Variants in EPHA6 observed in about 807,000 individuals in gnomAD.
EPHA6 encodes EPH receptor A6, also known as ephrin type-A receptor 6.
Under a neutral mutation model 112.0 loss-of-function variants are expected in EPHA6, and 50 were observed. The observed-to-expected ratio is 0.45, with a 90% confidence interval of 0.36 to 0.56. EPHA6 has a LOEUF of 0.56. Among genes scored for constraint, EPHA6 ranks in the 20% least tolerant of loss-of-function variants. The pLI is 0.00. For synonymous variants in EPHA6, 529 were observed against 490.7 expected, an observed-to-expected ratio of 1.08 and a Z score of -1.03; for missense variants, 1,280 against 1,417.4, an observed-to-expected ratio of 0.90 and a Z score of 1.56.
chr3:96,933,688 T>G (rs1020627946), intron 2 of EPHA6, among the ~76,000 whole-genome samples: 2 of 152,146 alleles, frequency 1.3e-5, no homozygotes, highest in Non-Finnish European at 2.9e-5. Context: ...ATTTGAGAGT[T>G]TCTTAGAAGA....
intron 5 of EPHA6, among the ~76,000 whole-genome samples, chr3:97,260,229 T>C (rs1225975383): frequency 6.6e-6 from 1 of 152,186 alleles, no homozygotes; most frequent in Non-Finnish European, 1.5e-5. Flanking sequence ...AAAGGAAGAA[T>C]AGCATTTGGG....
chr3:97,519,195 A>G (rs959527255), intron 10 of EPHA6, among the ~76,000 whole-genome samples: 3 of 152,046 alleles, frequency 2.0e-5, no homozygotes, highest in Admixed American at 2.0e-4. Context: ...TAGGGGTCCA[A>G]TTTCTTTCTT....
chr3:97,252,485 C>A (rs1331980481), intron 5 of EPHA6, among the ~76,000 whole-genome samples: 2 of 152,152 alleles, frequency 1.3e-5, no homozygotes, highest in African/African-American at 4.8e-5. Context: ...CATATCCAAC[C>A]TAGATCCTTT....
chr3:97,005,809 AAG>A (rs1488565474), intron 3 of EPHA6, among the ~76,000 whole-genome samples: 1 of 152,112 alleles, frequency 6.6e-6, no homozygotes, highest in East Asian at 1.9e-4. Flanking sequence ...CTAGTTTATT[AAG>A]AGTTTTTAAC....
chr3:97,189,905 T>G (rs1005069359), intron 3 of EPHA6, among the ~76,000 whole-genome samples: 7 of 152,140 alleles, frequency 4.6e-5, no homozygotes, highest in Non-Finnish European at 8.8e-5. Context: ...TGCTATTCCA[T>G]GAGCTCAGAA....
At chr3:97,667,432 C>G (rs573255580) in intron 14 of EPHA6, among the ~76,000 whole-genome samples, 1 of 152,168 alleles carries the variant, frequency 6.6e-6, no homozygotes, top group African/African-American at 2.4e-5. Flanking sequence ...TAATTTGATT[C>G]TTTAATATTT....
intron 2 of EPHA6, among the ~76,000 whole-genome samples, chr3:96,888,729 C>G (rs932143928): frequency 1.3e-5 from 2 of 152,266 alleles, no homozygotes; most frequent in Middle Eastern, 3.4e-3. Flanking sequence ...ATGGGAGGAG[C>G]TGCTGTAAAG....
chr3:97,575,782 C>T (rs766918599), intron 11 of EPHA6, among the ~76,000 whole-genome samples: 31 of 151,750 alleles, frequency 2.0e-4, no homozygotes, highest in Non-Finnish European at 3.4e-4. Flanking sequence ...AATATAAGCA[C>T]GGAAATTAAA....
chr3:96,845,187 A>G (rs1316349855), intron 1 of EPHA6, among the ~76,000 whole-genome samples: 1 of 152,020 alleles, frequency 6.6e-6, no homozygotes. Flanking sequence ...CCAGATTTTA[A>G]TGGATTTCTT....
chr3:97,356,494 G>T (rs769524800), intron 5 of EPHA6, among the ~76,000 whole-genome samples: 1 of 152,084 alleles, frequency 6.6e-6, no homozygotes, highest in African/African-American at 2.4e-5. Flanking sequence ...TTGGTATGTT[G>T]TATTTTGTTT....
At chr3:97,547,560 C>T (rs993793720) in intron 11 of EPHA6, among the ~76,000 whole-genome samples, 11 of 152,210 alleles carry the variant, frequency 7.2e-5, no homozygotes, top group South Asian at 4.1e-4. Context: ...TCTCAAGCTG[C>T]GTGCTGGGAG....
chr3:97,460,656 A>G (rs557301366), intron 7 of EPHA6, among the ~76,000 whole-genome samples: 11 of 152,204 alleles, frequency 7.2e-5, no homozygotes, highest in Non-Finnish European at 1.6e-4. Flanking sequence ...AAGAAGCTAC[A>G]TGCCCCTCTT....
At chr3:97,062,799 G>A (rs1165776587) in intron 3 of EPHA6, among the ~76,000 whole-genome samples, 2 of 152,154 alleles carry the variant, frequency 1.3e-5, no homozygotes, top group Admixed American at 6.5e-5. Flanking sequence ...CAGCCACATG[G>A]AACTGTGAGT....
chr3:96,880,405 A>C (rs2107506818), intron 2 of EPHA6, among the ~76,000 whole-genome samples: 1 of 152,310 alleles, frequency 6.6e-6, no homozygotes, highest in Non-Finnish European at 1.5e-5. Context: ...AAAGACATAT[A>C]GAAATTGAAA....
chr3:97,622,403 C>G (rs2093821242), intron 13 of EPHA6, among the ~76,000 whole-genome samples: 1 of 151,762 alleles, frequency 6.6e-6, no homozygotes, highest in Non-Finnish European at 1.5e-5. Flanking sequence ...AAAGTTCAGT[C>G]ATGTTGAAGT....
At chr3:97,319,752 C>T (rs2082019302) in intron 5 of EPHA6, among the ~76,000 whole-genome samples, 1 of 151,312 alleles carries the variant, frequency 6.6e-6, no homozygotes, top group Admixed American at 6.6e-5. Flanking sequence ...TATAAAGCCT[C>T]CATTTTTTCT....
intron 6 of EPHA6, among the ~76,000 whole-genome samples, chr3:97,412,804 A>C (rs1418500227): frequency 1.3e-5 from 2 of 152,148 alleles, no homozygotes; most frequent in East Asian, 3.9e-4. Flanking sequence ...TTCTTCTAAA[A>C]AATGTCCACT....
intron 14 of EPHA6, among the ~76,000 whole-genome samples, chr3:97,656,020 GT>G (rs1184486680): frequency 2.6e-5 from 4 of 151,662 alleles, no homozygotes; most frequent in African/African-American, 7.3e-5. Flanking sequence ...TTATTCTACA[GT>G]GAGTATTGTA....
At chr3:96,973,423 A>C (rs897300246) in intron 2 of EPHA6, among the ~76,000 whole-genome samples, 1 of 152,182 alleles carries the variant, frequency 6.6e-6, no homozygotes, top group Non-Finnish European at 1.5e-5. Context: ...GATGTACGTA[A>C]GTTTGGTAAT....
Sources: allele counts gnomAD v4.1 joint callset (sites outside exome capture counted in the v4.1 genomes callset), GRCh38; gene constraint gnomAD v4.1.1; transcripts MANE v1.5; gene names NCBI Gene and HGNC (gene_info 2026-07-23, HGNC 2026-07-21).